Variants in MYO1F observed in about 807,000 individuals in gnomAD.
The protein encoded by MYO1F is myosin IF, also known as unconventional myosin-If.
Under a neutral mutation model 146.6 loss-of-function variants are expected in MYO1F, and 60 were observed. The ratio of observed to expected loss-of-function variants is 0.41; its 90% CI spans 0.33 to 0.51. The LOEUF is 0.51. MYO1F is among the 20% of genes least tolerant of loss of function. MYO1F has a pLI of 0.25. For synonymous variants in MYO1F, 602 were observed against 602.1 expected, an observed-to-expected ratio of 1.00 and a Z score of 0.00; for missense variants, 1,274 against 1,534.3, an observed-to-expected ratio of 0.83 and a Z score of 2.83.
chr19:8,568,326 G>A (rs1200574422), intron 1 of MYO1F, among the ~76,000 whole-genome samples: 3 of 149,660 alleles, frequency 2.0e-5, no homozygotes, highest in Non-Finnish European at 4.4e-5. Context: ...GGGAGGCTGA[G>A]GCAGGAGAAT....
intron 19 of MYO1F, among the ~76,000 whole-genome samples, chr19:8,535,019 T>C (rs113986837): frequency 0.035 from 5,165 of 148,276 alleles, 183 homozygotes; most frequent in African/African-American, 0.097. Flanking sequence ...TAAAGTGATT[T>C]TCCTGCCTCA....
chr19:8,536,177 C>CTG lies in MYO1F; in HGVS notation c.2043+74_2043+75insCA, dbSNP rs2145852464. ...TCTCTGTCTCCCTCTGTCTCTCTCT[C>CTG]TCTCTCTCAGTCCCTCTCTATACCT... On this transcript the variant is annotated intron_variant, in intron 19 of 27. Coordinates refer to ENST00000644032, the MANE Select transcript of MYO1F (RefSeq NM_012335.4). The CTG allele has an allele frequency of 3.9e-6, 6 of 1,551,030 alleles. No homozygotes were observed. The East Asian group carries it at 9.0e-5, about 23-fold the overall frequency.
At chr19:8,534,992 G>A (rs1172399988) in intron 19 of MYO1F, among the ~76,000 whole-genome samples, 1 of 149,146 alleles carries the variant, frequency 6.7e-6, no homozygotes, top group African/African-American at 2.5e-5. Context: ...GCTCACTTCA[G>A]CCTCTGCCTC....
At chr19:8,555,953 G>GC (rs1973835513) in intron 1 of MYO1F, among the ~76,000 whole-genome samples, 157 bp from the exon 2 acceptor site, 1 of 151,634 alleles carries the variant, frequency 6.6e-6, no homozygotes, top group African/African-American at 2.4e-5. Context: ...TCCAAGCCAG[G>GC]CCCCCTGCCC....
At chr19:8,544,986 C>T (rs1331832216) in intron 13 of MYO1F, among the ~76,000 whole-genome samples, 3 of 152,088 alleles carry the variant, frequency 2.0e-5, no homozygotes, top group African/African-American at 4.8e-5. Flanking sequence ...CCATGTTGGC[C>T]AGGCTGGTTT....
intron 1 of MYO1F, among the ~76,000 whole-genome samples, chr19:8,570,400 C>T (rs1260681855): frequency 5.4e-5 from 8 of 149,488 alleles, no homozygotes; most frequent in Non-Finnish European, 1.0e-4. Flanking sequence ...GATGGAGTCT[C>T]GCTCTTGTTG....
At chr19:8,555,041 C>T (rs893616486) in intron 2 of MYO1F, among the ~76,000 whole-genome samples, 2 of 151,852 alleles carry the variant, frequency 1.3e-5, no homozygotes, top group African/African-American at 2.4e-5. Flanking sequence ...AAAAATTACC[C>T]GGGCATGGTG....
chr19:8,555,537 G>A, intron 2 of MYO1F, 122 bp downstream of exon 2: 1 of 1,370,758 alleles, frequency 7.3e-7, no homozygotes, highest in Non-Finnish European at 1.0e-6. Flanking sequence ...TCTGTCCTCT[G>A]TGTCACCACT....
chr19:8,544,286 A>G lies in MYO1F; in HGVS notation c.1524+11T>C. On this transcript the variant is annotated intron_variant, in intron 14 of 27. Coordinates refer to ENST00000644032, the MANE Select transcript of MYO1F (RefSeq NM_012335.4). ...AGGAGGCACAGGGTAGGGTAGGGGC[A>G]GGGGGCGCACCTTGCCAGCGTAGTG... The G allele has an allele frequency of 6.2e-7, 1 of 1,610,412 alleles. No individual in the cohort carries two copies. Among genetic ancestry groups the G allele is most frequent in the Non-Finnish European group, 8.5e-7 (1 of 1,179,088 alleles).
rs765836759 is a variant in MYO1F, at chr19:8,522,440, C to T, written c.3157G>A (p.Val1053Met). Reference sequence around the variant, plus strand: ...CTCAGCTCGTCCACATCTTGGCCCACGTACTGGTATAGGGCCCGGCACCTG... The same window carrying T: ...CTCAGCTCGTCCACATCTTGGCCCATGTACTGGTATAGGGCCCGGCACCTG... ...GPRCRALYQY[V>M]GQDVDELSFN... Residue 1053 changes from valine (V) to methionine (M), a missense_variant, in exon 27 of 28, where the codon GTG (valine) becomes ATG (methionine). Transcript: ENST00000644032. 1.1e-5 allele frequency: 18 copies of T among 1,614,064 alleles called. No homozygotes were observed. Among genetic ancestry groups the T allele is most frequent in the Middle Eastern group, 1.6e-4 (1 of 6,084 alleles).
intron 24 of MYO1F, among the ~76,000 whole-genome samples, chr19:8,525,812 A>C (rs1421492433): frequency 6.6e-6 from 1 of 152,056 alleles, no homozygotes; most frequent in Non-Finnish European, 1.5e-5. Flanking sequence ...ACCCAGTTCC[A>C]GGGTTGCCGC....
chr19:8,570,030 C>T (rs1428381469), intron 1 of MYO1F, among the ~76,000 whole-genome samples: 2 of 152,082 alleles, frequency 1.3e-5, no homozygotes, highest in Admixed American at 1.3e-4. Flanking sequence ...CCTCAGCCTC[C>T]TGAGTAGCTG....
At chr19:8,534,294 G>T (rs73004510) in intron 19 of MYO1F, among the ~76,000 whole-genome samples, 17,040 of 151,658 alleles carry the variant, frequency 0.11, 1,028 homozygotes, top group East Asian at 0.16. Flanking sequence ...CAGTTAAACC[G>T]TTGGCTATTT....
intron 13 of MYO1F, chr19:8,545,387 A>C: frequency 1.1e-4 from 48 of 435,776 alleles, no homozygotes; most frequent in Non-Finnish European, 1.2e-4. Flanking sequence ...CCGGCATGGA[A>C]TCTGCAAATT....
chr19:8,522,256 T>C lies in MYO1F; in HGVS notation c.3220+121A>G, dbSNP rs1599901224. ...CCAGGATGGTCTCGATCTCCTGACC[T>C]CGTGATCTGCCCGCCTTGGCCTCCC... On this transcript the variant is annotated intron_variant, in intron 27 of 27. Coordinates refer to ENST00000644032, the MANE Select transcript of MYO1F (RefSeq NM_012335.4). 4 of 1,248,866 alleles carry C rather than the reference T, an allele frequency of 3.2e-6. No individual in the cohort carries two copies. The South Asian group carries it at 3.7e-5, about 12-fold the overall frequency. The allele number at this position is 1,248,866 out of a possible 1,614,324, so 77.4% of individuals were successfully genotyped here. A position where few individuals can be genotyped will look rare whatever the true frequency, so the allele number is the denominator to read the frequency against.
At chr19:8,541,718 T>C in intron 15 of MYO1F, 188 bp downstream of exon 15, 2 of 637,766 alleles carry the variant, frequency 3.1e-6, no homozygotes, top group East Asian at 2.8e-5. Flanking sequence ...CGTGAGCCAC[T>C]GCGCCCGGCC....
intron 6 of MYO1F, among the ~76,000 whole-genome samples, chr19:8,552,699 T>TC (rs35618231): frequency 6.6e-5 from 10 of 151,722 alleles, no homozygotes; most frequent in Admixed American, 2.0e-4. Flanking sequence ...TAGATTTTTT[T>TC]CCCCCCCAGG....
At chr19:8,547,731 A>G in intron 12 of MYO1F, 1 of 365,486 alleles carries the variant, frequency 2.7e-6, no homozygotes, top group Non-Finnish European at 5.2e-6. Flanking sequence ...GGAGGGGCAA[A>G]ATGAAGACAG....
intron 1 of MYO1F, among the ~76,000 whole-genome samples, chr19:8,574,569 TTCTTTCTTTCTC>T (rs1405888479): frequency 1.2e-5 from 1 of 86,868 alleles, no homozygotes; most frequent in African/African-American, 5.7e-5. Context: ...CTTTCTTTCT[TTCTTTCTTTCTC>T]TCTCTCTCTC....
Sources: allele counts gnomAD v4.1 joint callset (sites outside exome capture counted in the v4.1 genomes callset), GRCh38; gene constraint gnomAD v4.1.1; transcripts MANE v1.5; gene names NCBI Gene and HGNC (gene_info 2026-07-23, HGNC 2026-07-21).